The following ARHGAP6 variants were observed in gnomAD, a reference collection of about 807,000 sequenced individuals.
The protein encoded by ARHGAP6 is rho GTPase-activating protein 6.
ARHGAP6 carries 16 observed loss-of-function variants against 55.7 expected under a neutral mutation model. The ratio of observed to expected loss-of-function variants is 0.29; its 90% CI spans 0.19 to 0.44. The LOEUF is 0.44. ARHGAP6 is among the 20% of genes least tolerant of loss of function. The pLI is 1.00. For synonymous variants in ARHGAP6, 382 were observed against 360.9 expected, an observed-to-expected ratio of 1.06 and a Z score of -0.66; for missense variants, 698 against 808.9, an observed-to-expected ratio of 0.86 and a Z score of 1.66.
chrX:11,386,916 A>C (rs1191478868), intron 1 of ARHGAP6, among the ~76,000 whole-genome samples: 1 of 112,049 alleles, frequency 8.9e-6, no homozygotes, highest in African/African-American at 3.2e-5. Context: ...ATATTTTTTA[A>C]GGTGGACTGA....
intron 1 of ARHGAP6, among the ~76,000 whole-genome samples, chrX:11,259,381 AT>A (rs969856419): frequency 2.0e-4 from 22 of 110,965 alleles, no homozygotes; most frequent in Admixed American, 5.8e-4. Context: ...TTCTTTGTCC[AT>A]TTTTTTTCCT....
rs1221278948 is a variant in ARHGAP6 at position 11,139,001 on chromosome X, G to T, written c.2787C>A (p.Ala929=). 2 of 1,206,629 alleles carry T rather than the reference G, an allele frequency of 1.7e-6. No homozygotes were observed. The highest frequency in any genetic ancestry group is 2.2e-6 in the Non-Finnish European group (2 of 894,092). ...QQVTQKKLSS[A]NSLPAGEQDS... ...CCTGCTCGCCCGCTGGCAGGGAGTT[G>T]GCGCTGCTCAGTTTTTTCTGCGTGA... The change falls in exon 13 of 13, where the codon GCC becomes GCA. Residue 929 remains alanine, a synonymous_variant. Transcript: ENST00000337414.
rs1007457016 is a variant in ARHGAP6 at position 11,408,941 on chromosome X, G to A, written c.589-154234C>T. Among the ~76,000 whole-genome samples, 5 of 107,311 alleles carry A rather than the reference G, an allele frequency of 4.7e-5. No homozygotes were observed. The East Asian group carries it at 1.2e-3, about 25-fold the overall frequency. 93.2% of individuals were successfully genotyped at this position (107,311 alleles called of 115,157 possible). On this transcript the variant is annotated intron_variant, in intron 1 of 12. Coordinates refer to ENST00000337414, the MANE Select transcript of ARHGAP6 (RefSeq NM_013427.3). Reference sequence around the variant, plus strand: ...CACACACACACGCACACACACACACGCATCCTCCAACCCTCACACTGCTTA... The same window carrying A: ...CACACACACACGCACACACACACACACATCCTCCAACCCTCACACTGCTTA...
chrX:11,590,901 AGAAAGAAAG>A (rs1383611314), intron 1 of ARHGAP6, among the ~76,000 whole-genome samples: 4 of 94,876 alleles, frequency 4.2e-5, no homozygotes, highest in Non-Finnish European at 8.3e-5. Context: ...AAAGAAAGAA[AGAAAGAAAG>A]AAAGAAAAGA....
intron 1 of ARHGAP6, among the ~76,000 whole-genome samples, chrX:11,519,559 A>T (rs1334051974): frequency 9.0e-6 from 1 of 111,223 alleles, no homozygotes; most frequent in East Asian, 2.8e-4. Flanking sequence ...ACAAAGCTGG[A>T]GGCATCACAC....
chrX:11,267,237 TA>T (rs2047637569), intron 1 of ARHGAP6, among the ~76,000 whole-genome samples: 2 of 112,257 alleles, frequency 1.8e-5, no homozygotes, highest in South Asian at 7.3e-4. Flanking sequence ...TTTTTATTAT[TA>T]GGCAAATGAT....
intron 1 of ARHGAP6, among the ~76,000 whole-genome samples, chrX:11,657,459 G>C (rs1319028336): frequency 9.2e-6 from 1 of 108,440 alleles, no homozygotes; most frequent in African/African-American, 3.4e-5. Flanking sequence ...AAAAAAGGGA[G>C]GAGTAAAGGC....
chrX:11,478,002 A>C (rs2050420901), intron 1 of ARHGAP6, among the ~76,000 whole-genome samples: 1 of 112,133 alleles, frequency 8.9e-6, no homozygotes, highest in South Asian at 3.7e-4. Flanking sequence ...ATACTTCAAT[A>C]AAAGTGATTT....
chrX:11,621,511 A>G (rs1360968613), intron 1 of ARHGAP6, among the ~76,000 whole-genome samples: 7 of 111,684 alleles, frequency 6.3e-5, no homozygotes, highest in African/African-American at 1.3e-4. Flanking sequence ...AATTCAAAAG[A>G]TAGGATAAAC....
chrX:11,566,781 G>T (rs2051445982), intron 1 of ARHGAP6, among the ~76,000 whole-genome samples: 1 of 111,864 alleles, frequency 8.9e-6, no homozygotes, highest in Non-Finnish European at 1.9e-5. Flanking sequence ...AAGGCCATGA[G>T]AGCAAAAAAG....
chrX:11,319,811 C>T (rs2048409121), intron 1 of ARHGAP6, among the ~76,000 whole-genome samples: 1 of 112,120 alleles, frequency 8.9e-6, no homozygotes, highest in Non-Finnish European at 1.9e-5. Context: ...GATGTATTTA[C>T]ATCTTAATGG....
intron 1 of ARHGAP6, among the ~76,000 whole-genome samples, chrX:11,337,495 A>G (rs773058539): frequency 8.9e-6 from 1 of 112,306 alleles, no homozygotes; most frequent in African/African-American, 3.2e-5. Flanking sequence ...TCTGAAGTCC[A>G]AAGCATTTCT....
intron 1 of ARHGAP6, among the ~76,000 whole-genome samples, chrX:11,597,818 A>C: frequency 8.9e-6 from 1 of 111,975 alleles, no homozygotes; most frequent in Non-Finnish European, 1.9e-5. Flanking sequence ...TTTGTGAAAA[A>C]ATTGAGGAGA....
At chrX:11,589,135 G>A (rs12013559) in intron 1 of ARHGAP6, among the ~76,000 whole-genome samples, 32 of 106,168 alleles carry the variant, frequency 3.0e-4, no homozygotes, top group African/African-American at 1.1e-3. Context: ...TCTGCCTTCT[G>A]GGTTCAAGTG....
At chrX:11,551,330 T>C (rs913661122) in intron 1 of ARHGAP6, among the ~76,000 whole-genome samples, 3 of 112,018 alleles carry the variant, frequency 2.7e-5, no homozygotes, top group African/African-American at 9.7e-5. Context: ...CATAGTCATC[T>C]ACAGGCTAAT....
chrX:11,313,472 A>G (rs1363575658), intron 1 of ARHGAP6, among the ~76,000 whole-genome samples: 1 of 111,603 alleles, frequency 9.0e-6, no homozygotes, highest in Non-Finnish European at 1.9e-5. Context: ...CCTTTGCTTG[A>G]ACTGCTTTCC....
chrX:11,618,924 A>AT lies in ARHGAP6; in HGVS notation c.588+45316dup, dbSNP rs56072806. The stretch of plus-strand genomic sequence containing the variant: ...ATTCATGATTAACAAGAAAGAAAGG[A>AT]TTTTTTTTTTAATGCAGACAATCCC... On this transcript the variant is annotated intron_variant, in intron 1 of 12. Transcript: ENST00000337414. 6.7e-3 allele frequency among the ~76,000 whole-genome samples: 725 copies of AT among 108,403 alleles called. 3 individuals carry two copies. Among genetic ancestry groups the AT allele is most frequent in the African/African-American group, 0.022 (674 of 30,068 alleles). The allele number at this position is 108,403 out of a possible 115,157, so 94.1% of individuals were successfully genotyped here.
chrX:11,143,621 C>T, intron 11 of ARHGAP6: 5 of 964,587 alleles, frequency 5.2e-6, no homozygotes, highest in Non-Finnish European at 6.5e-6. Context: ...AATTGGGTGG[C>T]ACCTCAGACT....
At chrX:11,403,131 C>T (rs1288535980) in intron 1 of ARHGAP6, among the ~76,000 whole-genome samples, 1 of 111,934 alleles carries the variant, frequency 8.9e-6, no homozygotes, top group East Asian at 2.8e-4. Context: ...GAAAACACAG[C>T]TCTGTATCCT....
Sources: gnomAD v4.1 joint callset for allele counts (sites outside exome capture counted in the v4.1 genomes callset) on GRCh38, gnomAD v4.1.1 for gene constraint, MANE v1.5 for transcripts, NCBI Gene and HGNC (gene_info 2026-07-23, HGNC 2026-07-21) for gene names.